The following LIFR variants were observed in gnomAD, a reference collection of about 807,000 sequenced individuals.
LIFR encodes the protein LIF receptor subunit alpha, also known as leukemia inhibitory factor receptor.
LIFR carries 84 observed loss-of-function variants against 122.2 expected under a neutral mutation model. The observed-to-expected ratio is 0.69, with a 90% CI of 0.58 to 0.82. The LOEUF (loss-of-function observed/expected upper bound fraction) is 0.82. Ranked by LOEUF, LIFR falls within the 40% of genes least tolerant of loss-of-function variation. LIFR has a pLI of 0.00. For missense variants in LIFR, 1,294 were observed against 1,311.6 expected (o/e 0.99, Z 0.21); for synonymous variants, 422 against 434.7 (o/e 0.97, Z 0.36).
intron 1 of LIFR, among the ~76,000 whole-genome samples, chr5:38,576,534 C>A (rs547105582): frequency 2.6e-5 from 4 of 152,302 alleles, no homozygotes; most frequent in African/African-American, 9.6e-5. Flanking sequence ...CCAGCATTTT[C>A]TTGGTTCCAC....
intron 1 of LIFR, among the ~76,000 whole-genome samples, chr5:38,606,787 A>T (rs1750338608): frequency 6.6e-6 from 1 of 152,106 alleles, no homozygotes; most frequent in Non-Finnish European, 1.5e-5. Flanking sequence ...CATCAAGGAC[A>T]CTTTCTTTTT....
intron 4 of LIFR, among the ~76,000 whole-genome samples, chr5:38,523,903 A>G (rs1407548616): frequency 6.6e-6 from 1 of 152,224 alleles, no homozygotes; most frequent in Non-Finnish European, 1.5e-5. Context: ...TTATTTGTAG[A>G]GGCAGCTCCC....
At chr5:38,531,881 C>G (rs77188608) in intron 1 of LIFR, among the ~76,000 whole-genome samples, 214 of 152,292 alleles carry the variant, frequency 1.4e-3, no homozygotes, top group African/African-American at 5.1e-3. Flanking sequence ...TAATTATAAC[C>G]ATAACATGCA....
chr5:38,567,463 G>A (rs1245065366), intron 1 of LIFR, among the ~76,000 whole-genome samples: 1 of 149,124 alleles, frequency 6.7e-6, no homozygotes, highest in Non-Finnish European at 1.5e-5. Flanking sequence ...AAGCTGTTTG[G>A]TTTTTATTTC....
intron 14 of LIFR, among the ~76,000 whole-genome samples, chr5:38,490,993 G>C (rs1467510908): frequency 6.6e-6 from 1 of 152,094 alleles, no homozygotes; most frequent in Non-Finnish European, 1.5e-5. Flanking sequence ...TGTTATTTCT[G>C]AGTTGGAAAA....
chr5:38,522,569 C>T (rs924006254), intron 5 of LIFR, among the ~76,000 whole-genome samples: 15 of 152,100 alleles, frequency 9.9e-5, no homozygotes, highest in Admixed American at 9.8e-4. Flanking sequence ...ATTACAATTG[C>T]CTCCATTATT....
intron 16 of LIFR, among the ~76,000 whole-genome samples, chr5:38,487,105 C>T (rs1316739152): frequency 6.6e-6 from 1 of 152,198 alleles, no homozygotes; most frequent in South Asian, 2.1e-4. Context: ...CCACCCATCC[C>T]TTGCCTCCTG....
chr5:38,501,765 TTC>T (rs1170595622), intron 11 of LIFR, among the ~76,000 whole-genome samples: 1 of 151,912 alleles, frequency 6.6e-6, no homozygotes, highest in African/African-American at 2.4e-5. Flanking sequence ...TTAAACCTAT[TTC>T]TGAGTTTTTT....
At chr5:38,531,187 T>C (rs1399057703) in intron 1 of LIFR, among the ~76,000 whole-genome samples, 1 of 152,202 alleles carries the variant, frequency 6.6e-6, no homozygotes, top group Non-Finnish European at 1.5e-5. Context: ...GGTAACAGTA[T>C]GGAGATGTTG....
chr5:38,537,739 T>C (rs959071259), intron 1 of LIFR, among the ~76,000 whole-genome samples: 4 of 152,266 alleles, frequency 2.6e-5, no homozygotes, highest in African/African-American at 9.6e-5. Flanking sequence ...TCCTTTCATA[T>C]GTTTATTGAT....
chr5:38,528,202 C>T (rs146884640), intron 3 of LIFR, among the ~76,000 whole-genome samples: 51 of 152,336 alleles, frequency 3.3e-4, no homozygotes, highest in African/African-American at 1.1e-3. Flanking sequence ...TCCAGAATTA[C>T]ACCTCCTCTG....
chr5:38,600,586 C>T (rs1409527436), intron 2 of LIFR, among the ~76,000 whole-genome samples: 1 of 152,206 alleles, frequency 6.6e-6, no homozygotes, highest in Non-Finnish European at 1.5e-5. Context: ...ATTCACTGAA[C>T]AGTTGCCATC....
intron 11 of LIFR, 138 bp downstream of exon 11, chr5:38,502,499 T>A (rs1745233002): frequency 1.5e-6 from 1 of 677,390 alleles, no homozygotes; most frequent in African/African-American, 1.8e-5. Flanking sequence ...CCTCAGGTAA[T>A]CTGCCCACCT....
rs527680067 is a variant in LIFR at position 38,556,578 on chromosome 5, C to G, written c.-264G>C. 3 of 149,926 alleles carry G rather than the reference C, an allele frequency of 2.0e-5. No homozygotes were observed. Among genetic ancestry groups the G allele is most frequent in the African/African-American group, 7.3e-5 (3 of 41,258 alleles). The allele number at this position is 149,926 out of a possible 1,614,324, so 9.3% of individuals were successfully genotyped here. A position where few individuals can be genotyped will look rare whatever the true frequency, so the allele number is the denominator to read the frequency against. ...GCTCCGCGAACCCCGCGGGCCGCCG[C>G]CGCCGCCAGAGCCTCCCAGAGGCAA... On this transcript the variant is annotated 5_prime_UTR_variant, in exon 1 of 20. Coordinates refer to ENST00000453190, the MANE Select transcript of LIFR (RefSeq NM_001127671.2).
At position 38,496,584 on chromosome 5, in the gene LIFR, A is replaced by T; in HGVS notation, c.1683T>A (p.Ile561=). Residue 561 remains isoleucine (I), a synonymous_variant, in exon 13 of 20, where the codon ATT becomes ATA. Coordinates refer to ENST00000453190, the MANE Select transcript of LIFR (RefSeq NM_001127671.2). ...AAAGTATTTTTCCATTAGCTTCATT[A>T]ATGGGTAAAGGCTATGAAAAACAGA... ...NLIIYWKPLP[I]NEANGKILSY... The T allele has an allele frequency of 6.2e-7, 1 of 1,611,008 alleles. No individual in the cohort carries two copies. Among genetic ancestry groups the T allele is most frequent in the Non-Finnish European group, 8.5e-7 (1 of 1,177,150 alleles).
At chr5:38,602,078 T>TTTA (rs1180196095) in intron 2 of LIFR, among the ~76,000 whole-genome samples, 1 of 152,220 alleles carries the variant, frequency 6.6e-6, no homozygotes, top group Non-Finnish European at 1.5e-5. Context: ...TTGGCGGCTC[T>TTTA]TTATCATTTT....
chr5:38,607,513 ACT>A (rs60564000), intron 1 of LIFR: 609 of 146,962 alleles, frequency 4.1e-3, no homozygotes, highest in East Asian at 0.018. Context: ...TCTCATATGC[ACT>A]CTCTCTCTCT....
chr5:38,556,197 C>T (rs539851246), intron 1 of LIFR, 137 bp downstream of exon 1: 1 of 152,012 alleles, frequency 6.6e-6, no homozygotes, highest in African/African-American at 2.4e-5. Context: ...GAGCGGCGCT[C>T]TCCGGGGTCA....
In LIFR at chr5:38,490,639, G is replaced by A. The variant is rs117648025; in HGVS notation, c.2066-348C>T. ...TTCTTTGACGGAGTCTTGCTTTGTC[G>A]CCCAGGCTGGAGTGCAGGGTCATGA... On this transcript the variant is annotated intron_variant, in intron 14 of 19. Coordinates refer to ENST00000453190, the MANE Select transcript of LIFR (RefSeq NM_001127671.2). 0.012 allele frequency: 1,870 copies of A among 162,596 alleles called. 189 individuals are homozygous for A. The East Asian group carries it at 0.25, about 22-fold the overall frequency. The allele number at this position is 162,596 out of a possible 1,614,324, so 10.1% of individuals were successfully genotyped here.
Sources: gnomAD v4.1 joint callset for allele counts (sites outside exome capture counted in the v4.1 genomes callset) on GRCh38, gnomAD v4.1.1 for gene constraint, MANE v1.5 for transcripts, NCBI Gene and HGNC (gene_info 2026-07-23, HGNC 2026-07-21) for gene names.